The following KHDRBS2 variants were observed in gnomAD, a reference collection of about 807,000 sequenced individuals.
KHDRBS2 encodes the protein KH RNA binding domain containing, signal transduction associated 2.
In KHDRBS2, 26 loss-of-function variants were observed where a neutral mutation model predicts 44.3. The ratio of observed to expected loss-of-function variants is 0.59; its 90% CI spans 0.43 to 0.81. KHDRBS2 has a LOEUF of 0.81. Ranked by LOEUF, KHDRBS2 falls within the 40% of genes least tolerant of loss-of-function variation. KHDRBS2 has a pLI of 0.00. For missense variants in KHDRBS2, 476 were observed against 433.1 expected (o/e 1.10, Z -0.88); for synonymous variants, 194 against 151.1 (o/e 1.28, Z -2.08).
At chr6:61,858,490 C>A (rs527369078) in intron 6 of KHDRBS2, among the ~76,000 whole-genome samples, 3 of 151,744 alleles carry the variant, frequency 2.0e-5, no homozygotes, top group Non-Finnish European at 4.4e-5. Flanking sequence ...ATGTTTTTGA[C>A]CCTTGTAAAG....
the KHDRBS2 span, among the ~76,000 whole-genome samples, chr6:61,660,217 T>G: frequency 6.6e-6 from 1 of 151,728 alleles, no homozygotes. Context: ...TACAGGAGAA[T>G]TTACGTGGAA....
chr6:61,951,604 G>T (rs1378071564), intron 4 of KHDRBS2, among the ~76,000 whole-genome samples: 1 of 151,992 alleles, frequency 6.6e-6, no homozygotes. Context: ...TACTCATGCA[G>T]TTCCTTTAAA....
At chr6:62,046,293 A>G (rs1291139497) in intron 3 of KHDRBS2, among the ~76,000 whole-genome samples, 2 of 151,984 alleles carry the variant, frequency 1.3e-5, no homozygotes, top group Non-Finnish European at 2.9e-5. Flanking sequence ...ATGTCCAAAT[A>G]TATGAGAATT....
At chr6:61,579,887 G>A in the KHDRBS2 span, among the ~76,000 whole-genome samples, 38 of 110,178 alleles carry the variant, frequency 3.4e-4, no homozygotes, top group African/African-American at 1.2e-3. Flanking sequence ...GAGAAACCCC[G>A]TCTCTACTAA....
chr6:61,627,247 C>T, the KHDRBS2 span, among the ~76,000 whole-genome samples: 6 of 74,566 alleles, frequency 8.0e-5, no homozygotes, highest in Admixed American at 5.1e-4. Context: ...AGCGAGACTC[C>T]GTCTCAAAAA....
At chr6:62,096,305 GTTC>G (rs1800588211) in intron 2 of KHDRBS2, among the ~76,000 whole-genome samples, 1 of 151,934 alleles carries the variant, frequency 6.6e-6, no homozygotes. Context: ...ATTGATACCA[GTTC>G]TTCTTTAAAA....
intron 2 of KHDRBS2, among the ~76,000 whole-genome samples, chr6:62,074,374 C>A (rs1035254314): frequency 6.6e-6 from 1 of 151,834 alleles, no homozygotes; most frequent in Non-Finnish European, 1.5e-5. Flanking sequence ...CCTTTAAAAA[C>A]TCTATGCAAA....
chr6:62,072,056 C>A (rs1244034830), intron 2 of KHDRBS2, among the ~76,000 whole-genome samples: 1 of 152,164 alleles, frequency 6.6e-6, no homozygotes, highest in Non-Finnish European at 1.5e-5. Context: ...AGGTCTTTCA[C>A]ATCCCTTGCA....
chr6:61,676,245 A>G (rs1765932117), downstream of KHDRBS2, among the ~76,000 whole-genome samples: 1 of 151,850 alleles, frequency 6.6e-6, no homozygotes, highest in African/African-American at 2.4e-5. Context: ...ATATTCATTT[A>G]TGATTATTTT....
intron 6 of KHDRBS2, among the ~76,000 whole-genome samples, chr6:61,879,551 T>C (rs13206113): frequency 6.6e-6 from 1 of 151,926 alleles, no homozygotes; most frequent in Non-Finnish European, 1.5e-5. Context: ...TTTATTATTG[T>C]GATATTAAAA....
chr6:62,264,884 G>A (rs1838942241), intron 1 of KHDRBS2, among the ~76,000 whole-genome samples: 1 of 151,600 alleles, frequency 6.6e-6, no homozygotes, highest in South Asian at 2.1e-4. Context: ...GTCTTCCTAG[G>A]AGTCCCACAA....
the KHDRBS2 span, among the ~76,000 whole-genome samples, chr6:61,645,280 T>A: frequency 2.6e-5 from 4 of 151,572 alleles, no homozygotes; most frequent in African/African-American, 9.7e-5. Context: ...TATGGACACA[T>A]AGAATGGGAA....
chr6:61,838,833 T>G (rs1793125764), intron 6 of KHDRBS2, among the ~76,000 whole-genome samples: 1 of 152,060 alleles, frequency 6.6e-6, no homozygotes, highest in Non-Finnish European at 1.5e-5. Flanking sequence ...TAGGGTGATC[T>G]TCTACAATCC....
At chr6:61,932,447 A>G (rs925726751) in intron 4 of KHDRBS2, among the ~76,000 whole-genome samples, 1 of 152,176 alleles carries the variant, frequency 6.6e-6, no homozygotes, top group African/African-American at 2.4e-5. Flanking sequence ...CCAGCCACTC[A>G]TAACCATCAT....
At chr6:61,609,997 C>A in the KHDRBS2 span, among the ~76,000 whole-genome samples, 1 of 152,052 alleles carries the variant, frequency 6.6e-6, no homozygotes, top group African/African-American at 2.4e-5. Context: ...CACGGTGAAA[C>A]CCCGTCTCTG....
intron 4 of KHDRBS2, among the ~76,000 whole-genome samples, chr6:61,941,967 T>C (rs1269198504): frequency 1.3e-5 from 2 of 152,002 alleles, no homozygotes; most frequent in African/African-American, 4.8e-5. Context: ...TTATTATTAT[T>C]GTATTATTAT....
intron 1 of KHDRBS2, among the ~76,000 whole-genome samples, chr6:62,189,630 T>C (rs1824184934): frequency 6.6e-6 from 1 of 152,108 alleles, no homozygotes; most frequent in Admixed American, 6.6e-5. Context: ...GCAGTTGCAC[T>C]AGACCAGGTG....
intron 2 of KHDRBS2, among the ~76,000 whole-genome samples, chr6:62,174,325 TA>T (rs1820672010): frequency 6.6e-6 from 1 of 151,390 alleles, no homozygotes; most frequent in Non-Finnish European, 1.5e-5. Context: ...ATAAAAAAAC[TA>T]GAAATACAGT....
the KHDRBS2 span, among the ~76,000 whole-genome samples, chr6:61,565,162 T>C: frequency 6.6e-6 from 1 of 151,930 alleles, no homozygotes. Context: ...TATACAAATA[T>C]AAAATAAAAT....
Sources: allele counts gnomAD v4.1 joint callset (sites outside exome capture counted in the v4.1 genomes callset), GRCh38; gene constraint gnomAD v4.1.1; transcripts MANE v1.5; gene names NCBI Gene and HGNC (gene_info 2026-07-23, HGNC 2026-07-21).